The following HIVEP2 variants were observed in gnomAD, a reference collection of about 807,000 sequenced individuals.
HIVEP2 encodes transcription factor HIVEP2.
In HIVEP2, 14 loss-of-function variants were observed where a neutral mutation model predicts 180.7. That is an observed-to-expected ratio of 0.08 (90% confidence interval 0.05 to 0.12). The LOEUF is 0.12. HIVEP2 is among the 10% of genes least tolerant of loss of function. The probability of loss-of-function intolerance (pLI) is 1.00; values close to 1 mark genes in which losing one functional copy is unlikely to be tolerated. For synonymous variants in HIVEP2, 1,184 were observed against 1,136.4 expected (o/e 1.04, Z -0.84); for missense variants, 2,579 against 3,008.5 (o/e 0.86, Z 3.34).
At chr6:142,904,142 T>C (rs1582955006) in intron 1 of HIVEP2, among the ~76,000 whole-genome samples, 1 of 152,174 alleles carries the variant, frequency 6.6e-6, no homozygotes, top group East Asian at 1.9e-4. Context: ...CAATTCAGCC[T>C]GTCTGAATTT....
intron 1 of HIVEP2, among the ~76,000 whole-genome samples, chr6:142,868,896 T>C (rs895528149): frequency 6.6e-6 from 1 of 152,224 alleles, no homozygotes; most frequent in African/African-American, 2.4e-5. Flanking sequence ...TCTGTAAGTA[T>C]AGCATTTTCT....
rs375635661 is a variant in HIVEP2 at position 142,890,722 on chromosome 6, A to T, written c.-640-53675T>A. On this transcript the variant is annotated intron_variant, in intron 1 of 9. Transcript: ENST00000367603. ...AATAATCTAATGAGATAAATCAGAC[A>T]TATAAATATTAGTGCAAATAGTGTA... Among the ~76,000 whole-genome samples, 47 of 152,356 alleles carry T rather than the reference A, an allele frequency of 3.1e-4. No homozygotes were observed. The East Asian group carries it at 5.2e-3, about 17-fold the overall frequency.
intron 6 of HIVEP2, among the ~76,000 whole-genome samples, chr6:142,766,778 A>G (rs1040265205): frequency 1.3e-5 from 2 of 152,234 alleles, no homozygotes; most frequent in Non-Finnish European, 2.9e-5. Context: ...ATGGATTTTG[A>G]AAAACATTCA....
At chr6:142,888,752 C>T (rs1236801165) in intron 1 of HIVEP2, among the ~76,000 whole-genome samples, 1 of 152,162 alleles carries the variant, frequency 6.6e-6, no homozygotes, top group African/African-American at 2.4e-5. Context: ...CAAGCCATGA[C>T]AATTTTACCA....
rs1454281849 is a variant in HIVEP2, at chr6:142,753,270, T to C, written c.7178A>G (p.Glu2393Gly). The C allele has an allele frequency of 1.2e-6, 2 of 1,614,062 alleles. No homozygotes were observed. Among genetic ancestry groups the C allele is most frequent in the Admixed American group, 3.3e-5 (2 of 59,998 alleles). The part of the protein sequence containing the change: ...SATHPDLHDG[E>G]KDNFGTSQTP... ...CTGTGATGTACCAAAATTGTCCTTTTCACCATCATGCAAGTCAGGGTGGGT... is the reference window on the plus strand; with the variant it reads ...CTGTGATGTACCAAAATTGTCCTTTCCACCATCATGCAAGTCAGGGTGGGT... The change falls in exon 10 of 10, where the codon GAA becomes GGA. Residue 2393 changes from glutamate (E) to glycine (G), a missense_variant. Transcript: ENST00000367603.
At chr6:142,893,682 C>T (rs1205757107) in intron 1 of HIVEP2, among the ~76,000 whole-genome samples, 1 of 152,204 alleles carries the variant, frequency 6.6e-6, no homozygotes, top group Non-Finnish European at 1.5e-5. Flanking sequence ...GCAGTGGGAA[C>T]AACCCTCTAT....
At chr6:142,921,333 C>T (rs1393102556) in intron 1 of HIVEP2, among the ~76,000 whole-genome samples, 8 of 152,218 alleles carry the variant, frequency 5.3e-5, no homozygotes, top group African/African-American at 1.2e-4. Flanking sequence ...GCCAGGAGTT[C>T]GAGACCAGCC....
At chr6:142,945,439 A>T (rs983429307), upstream of HIVEP2, among the ~76,000 whole-genome samples, 1 of 151,906 alleles carries the variant, frequency 6.6e-6, no homozygotes, top group African/African-American at 2.4e-5. This position sits in a 1 kb window ranked among gnomAD's most constrained non-coding sequence, Gnocchi z 5.5. Flanking sequence ...AAAGTGAAAC[A>T]AGCTCCCAGC....
chr6:142,816,876 GTGTGTGTGT>G (rs1562247926), intron 2 of HIVEP2, among the ~76,000 whole-genome samples: 15 of 111,930 alleles, frequency 1.3e-4, no homozygotes, highest in Non-Finnish European at 2.8e-4. Flanking sequence ...ACCAGAGGGT[GTGTGTGTGT>G]GTGTGTGTGT....
At chr6:142,841,161 T>C (rs73586563) in intron 1 of HIVEP2, among the ~76,000 whole-genome samples, 7,250 of 152,198 alleles carry the variant, frequency 0.048, 538 homozygotes, top group African/African-American at 0.16. Flanking sequence ...GTTTTAACCA[T>C]TTAATATATC....
At chr6:142,837,172 G>A (rs1193253116) in intron 1 of HIVEP2, 125 bp from the exon 2 acceptor site, 1 of 152,092 alleles carries the variant, frequency 6.6e-6, no homozygotes, top group South Asian at 2.1e-4. Flanking sequence ...ACGTTACTGT[G>A]CTACTTAAAG....
At chr6:142,793,673 T>TTCTTTCTTTCTTTCTCTCTCTC (rs1289211652) in intron 2 of HIVEP2, among the ~76,000 whole-genome samples, 2 of 107,426 alleles carry the variant, frequency 1.9e-5, no homozygotes, top group African/African-American at 7.4e-5. Flanking sequence ...CTTTCTTTCT[T>TTCTTTCTTTCTTTCTCTCTCTC]TCTCTCTCTC....
chr6:142,753,767 G>A lies in HIVEP2; in HGVS notation c.6681C>T (p.Pro2227=). 4 of 1,614,174 alleles carry A rather than the reference G, an allele frequency of 2.5e-6. No individual in the cohort carries two copies. Among genetic ancestry groups the A allele is most frequent in the Non-Finnish European group, 2.5e-6 (3 of 1,180,012 alleles). Residue 2227 remains proline, a synonymous_variant, in exon 10 of 10, where the codon CCC becomes CCT. Transcript: ENST00000367603. ...HSQQQVRAPI[P]MVPVGGIQMV... ...TCTGGATCCCACCAACGGGCACCATGGGGATAGGGGCTCGCACTTGTTGCT... is the reference window on the plus strand; with the variant it reads ...TCTGGATCCCACCAACGGGCACCATAGGGATAGGGGCTCGCACTTGTTGCT...
At chr6:142,859,852 A>T (rs1383479090) in intron 1 of HIVEP2, among the ~76,000 whole-genome samples, 2 of 150,704 alleles carry the variant, frequency 1.3e-5, no homozygotes, top group South Asian at 4.2e-4. Flanking sequence ...AAAAAAAAAA[A>T]AAGGAAAGAA....
At chr6:142,822,236 C>G (rs932771522) in intron 2 of HIVEP2, among the ~76,000 whole-genome samples, 2 of 152,134 alleles carry the variant, frequency 1.3e-5, no homozygotes, top group Admixed American at 1.3e-4. Flanking sequence ...TCTGATGAAG[C>G]CTGTGGGCTC....
chr6:142,762,030 G>A (rs1775254810), intron 7 of HIVEP2, among the ~76,000 whole-genome samples: 1 of 152,184 alleles, frequency 6.6e-6, no homozygotes, highest in African/African-American at 2.4e-5. Flanking sequence ...ATCAGGTACA[G>A]AGTAACCTCC....
At chr6:142,823,265 A>G (rs1183076745) in intron 2 of HIVEP2, among the ~76,000 whole-genome samples, 1 of 152,200 alleles carries the variant, frequency 6.6e-6, no homozygotes, top group Non-Finnish European at 1.5e-5. Flanking sequence ...TGCATATCAC[A>G]AACAAGCACA....
intron 1 of HIVEP2, among the ~76,000 whole-genome samples, chr6:142,885,441 T>C (rs944895028): frequency 6.6e-6 from 1 of 152,084 alleles, no homozygotes; most frequent in African/African-American, 2.4e-5. Context: ...TCAGGGAATT[T>C]AACAGCCTGG....
At chr6:142,846,788 A>G (rs1259049137) in intron 1 of HIVEP2, among the ~76,000 whole-genome samples, 1 of 152,218 alleles carries the variant, frequency 6.6e-6, no homozygotes, top group Non-Finnish European at 1.5e-5. Context: ...TTGCAAAACA[A>G]CACATCAAAA....
Sources: gnomAD v4.1 joint callset for allele counts (sites outside exome capture counted in the v4.1 genomes callset) on GRCh38, gnomAD v4.1.1 for gene constraint, Gnocchi (gnomAD v3.1) non-coding constraint, MANE v1.5 for transcripts, NCBI Gene and HGNC (gene_info 2026-07-23, HGNC 2026-07-21) for gene names.